Variants in TRPM3 observed in about 807,000 individuals in gnomAD.
TRPM3 encodes long transient receptor potential channel 3.
A neutral mutation model predicts 181.2 loss-of-function variants in TRPM3; 77 were observed. The observed-to-expected ratio is 0.42, with a 90% confidence interval of 0.35 to 0.51. The LOEUF (loss-of-function observed/expected upper bound fraction) is 0.51, where lower values mean the gene tolerates loss of function less well. Ranked by LOEUF, TRPM3 falls within the 20% of genes least tolerant of loss-of-function variation. TRPM3 has a pLI of 0.01. For synonymous variants in TRPM3, 745 were observed against 796.4 expected (o/e 0.94, Z 1.09); for missense variants, 1,759 against 2,196.7 (o/e 0.80, Z 3.98).
intron 6 of TRPM3, among the ~76,000 whole-genome samples, chr9:70,794,709 T>C (rs1332006960): frequency 1.3e-5 from 2 of 152,212 alleles, no homozygotes; most frequent in Non-Finnish European, 2.9e-5. Context: ...ACTCCCACTT[T>C]CCCTGATTCA....
At chr9:70,941,909 T>A (rs2096889522) in intron 1 of TRPM3, among the ~76,000 whole-genome samples, 1 of 152,032 alleles carries the variant, frequency 6.6e-6, no homozygotes, top group East Asian at 1.9e-4. Context: ...CAAATCTATT[T>A]CTTGAAAAAA....
chr9:71,115,386 T>C (rs1386348563), intron 1 of TRPM3, among the ~76,000 whole-genome samples: 2 of 152,204 alleles, frequency 1.3e-5, no homozygotes, highest in African/African-American at 2.4e-5. Context: ...TAAGCATTCT[T>C]GGGATTTCAT....
In TRPM3 at chr9:70,971,636, T is replaced by C. The variant is rs2097248256; in HGVS notation, c.178-107125A>G. 2.6e-5 allele frequency among the ~76,000 whole-genome samples: 4 copies of C among 152,134 alleles called. No homozygotes were observed. In the South Asian group the frequency reaches 8.3e-4, roughly 32 times the overall value. On this transcript the variant is annotated intron_variant, in intron 1 of 25. Coordinates refer to ENST00000677713, the MANE Select transcript of TRPM3 (RefSeq NM_001366145.2). ...GAAAGAAAATAAGAAAGTTAAGCTG[T>C]GCTCTATGAAAAAATGAGATAAATT...
At chr9:71,149,149 C>T (rs1453853272) in intron 1 of TRPM3, among the ~76,000 whole-genome samples, 1 of 152,150 alleles carries the variant, frequency 6.6e-6, no homozygotes, top group Non-Finnish European at 1.5e-5. Flanking sequence ...CCTGTAATCC[C>T]AGCACTCTGG....
chr9:71,096,152 C>T (rs572467450), intron 1 of TRPM3, among the ~76,000 whole-genome samples: 1 of 151,760 alleles, frequency 6.6e-6, no homozygotes, highest in South Asian at 2.1e-4. Flanking sequence ...TTCATTTGCT[C>T]CCATCTTAAA....
At chr9:71,268,820 T>A (rs1011924011) in intron 1 of TRPM3, among the ~76,000 whole-genome samples, 3 of 151,106 alleles carry the variant, frequency 2.0e-5, no homozygotes, top group Admixed American at 6.6e-5. Flanking sequence ...AGGCTCCATC[T>A]CCAAAAAAAG....
At chr9:71,064,272 T>C (rs1157674302) in intron 1 of TRPM3, among the ~76,000 whole-genome samples, 2 of 152,146 alleles carry the variant, frequency 1.3e-5, no homozygotes, top group Non-Finnish European at 2.9e-5. Flanking sequence ...GTCCAATAGT[T>C]TGGTGAAGTT....
At chr9:70,628,171 T>C (rs886306910) in intron 12 of TRPM3, among the ~76,000 whole-genome samples, 1 of 152,138 alleles carries the variant, frequency 6.6e-6, no homozygotes, top group African/African-American at 2.4e-5. Context: ...ATTTAAAGAG[T>C]AGAAGAGTCT....
intron 1 of TRPM3, among the ~76,000 whole-genome samples, chr9:71,164,797 T>C (rs768827933): frequency 2.6e-5 from 4 of 152,142 alleles, no homozygotes; most frequent in Non-Finnish European, 4.4e-5. Flanking sequence ...TACTGATATA[T>C]TCAGAGATGG....
chr9:70,980,478 T>A (rs892463982), intron 1 of TRPM3, among the ~76,000 whole-genome samples: 1 of 152,154 alleles, frequency 6.6e-6, no homozygotes, highest in African/African-American at 2.4e-5. Context: ...GTTCCTGACA[T>A]AGTAAGCTAA....
chr9:70,675,739 G>A (rs908712374), intron 9 of TRPM3, among the ~76,000 whole-genome samples: 24 of 152,080 alleles, frequency 1.6e-4, no homozygotes, highest in African/African-American at 5.1e-4. Context: ...ACTTTGTATA[G>A]ATATTACCTT....
At chr9:71,098,015 A>G (rs2067624219) in intron 1 of TRPM3, among the ~76,000 whole-genome samples, 2 of 152,146 alleles carry the variant, frequency 1.3e-5, no homozygotes, top group Admixed American at 1.3e-4. Flanking sequence ...AGGAAAAGAA[A>G]AGGATGCAAA....
Position 70,981,547 on chromosome 9 carries a change from T to C in TRPM3, c.178-117036A>G, listed in dbSNP as rs11142659. ...TGTTGCCTGAGGAGGTACTGGGTTT[T>C]AGTCCTGGCTCCATCACTTTAGGCA... On this transcript the variant is annotated intron_variant, in intron 1 of 25. Transcript: ENST00000677713. 4.5e-3 allele frequency among the ~76,000 whole-genome samples: 683 copies of C among 152,274 alleles called. 2 individuals are homozygous for C. The highest frequency in any genetic ancestry group is 0.015 in the African/African-American group (638 of 41,546).
intron 7 of TRPM3, among the ~76,000 whole-genome samples, chr9:70,782,220 T>G (rs913267212): frequency 6.6e-6 from 1 of 152,064 alleles, no homozygotes. Context: ...CTTTTTTTTT[T>G]TTAAGACAGA....
At chr9:71,133,998 TGTGTGTGTGTGTGTGTGCGC>T (rs1305736600) in intron 1 of TRPM3, among the ~76,000 whole-genome samples, 7 of 140,438 alleles carry the variant, frequency 5.0e-5, no homozygotes, top group South Asian at 2.3e-4. Flanking sequence ...TGTGTGTGTG[TGTGTGTGTGTGTGTGTGCGC>T]GTGCGCGCGC....
chr9:71,128,772 T>C (rs1412333838), intron 1 of TRPM3, among the ~76,000 whole-genome samples: 1 of 152,194 alleles, frequency 6.6e-6, no homozygotes, highest in Non-Finnish European at 1.5e-5. Flanking sequence ...CTTGCATGAA[T>C]TGGAGGGAGC....
intron 1 of TRPM3, among the ~76,000 whole-genome samples, chr9:70,971,632 G>A (rs567954781): frequency 6.6e-6 from 1 of 152,254 alleles, no homozygotes; most frequent in South Asian, 2.1e-4. Context: ...AGAAAGTTAA[G>A]CTGTGCTCTA....
At chr9:70,760,380 C>T (rs1490938486) in intron 8 of TRPM3, among the ~76,000 whole-genome samples, 1 of 149,188 alleles carries the variant, frequency 6.7e-6, no homozygotes, top group Non-Finnish European at 1.5e-5. Flanking sequence ...AGGAAGTATT[C>T]GAGCTGCAAC....
At chr9:70,890,217 G>A (rs1228910718) in intron 1 of TRPM3, among the ~76,000 whole-genome samples, 4 of 151,226 alleles carry the variant, frequency 2.6e-5, no homozygotes, top group African/African-American at 7.3e-5. Context: ...AGAAGAGAGT[G>A]TTAGAAAGTT....
Sources: gnomAD v4.1 joint callset for allele counts (sites outside exome capture counted in the v4.1 genomes callset) on GRCh38, gnomAD v4.1.1 for gene constraint, MANE v1.5 for transcripts, NCBI Gene and HGNC (gene_info 2026-07-23, HGNC 2026-07-21) for gene names.